GRM1: variants seen among roughly 807,000 people sequenced by gnomAD.
GRM1 encodes metabotropic glutamate receptor 1.
A neutral mutation model predicts 90.9 loss-of-function variants in GRM1; 33 were observed. The ratio of observed to expected loss-of-function variants is 0.36; its 90% CI spans 0.28 to 0.49. The LOEUF is 0.49. Ranked by LOEUF, GRM1 falls within the 20% of genes least tolerant of loss-of-function variation. The probability of loss-of-function intolerance (pLI) is 0.99; values close to 1 mark genes in which losing one functional copy is unlikely to be tolerated. For synonymous variants in GRM1, 700 were observed against 613.2 expected, an observed-to-expected ratio of 1.14 and a Z score of -2.09; for missense variants, 1,190 against 1,534.3, an observed-to-expected ratio of 0.78 and a Z score of 3.75.
At chr6:146,207,150 A>T (rs934706866) in intron 2 of GRM1, among the ~76,000 whole-genome samples, 4 of 152,184 alleles carry the variant, frequency 2.6e-5, no homozygotes, top group Admixed American at 2.0e-4. Context: ...ATGATTTACT[A>T]TTTATATTCC....
intron 2 of GRM1, among the ~76,000 whole-genome samples, chr6:146,211,900 T>C (rs944468995): frequency 3.3e-5 from 5 of 152,094 alleles, no homozygotes; most frequent in African/African-American, 1.2e-4. Flanking sequence ...AGAGAATCAT[T>C]AGGAGAGGTA....
At chr6:146,032,915 CT>C (rs371406027) in intron 1 of GRM1, among the ~76,000 whole-genome samples, 114 of 151,718 alleles carry the variant, frequency 7.5e-4, no homozygotes, top group African/African-American at 2.1e-3. Context: ...TTTTATATTA[CT>C]TTTTTTTATA....
chr6:146,335,869 T>C (rs1784755629), intron 3 of GRM1, among the ~76,000 whole-genome samples: 1 of 152,130 alleles, frequency 6.6e-6, no homozygotes, highest in South Asian at 2.1e-4. Flanking sequence ...GGGAGGTAAT[T>C]GAATCATGGG....
intron 2 of GRM1, among the ~76,000 whole-genome samples, chr6:146,200,887 A>T (rs1054819705): frequency 6.6e-6 from 1 of 152,196 alleles, no homozygotes; most frequent in Non-Finnish European, 1.5e-5. Context: ...TGGAACCATG[A>T]GTCAAAATTG....
At chr6:146,208,658 C>A (rs939045045) in intron 2 of GRM1, among the ~76,000 whole-genome samples, 17 of 152,052 alleles carry the variant, frequency 1.1e-4, no homozygotes, top group Non-Finnish European at 2.9e-5. Context: ...TTGAATTTCA[C>A]ATATATACGT....
chr6:146,382,506 C>T (rs1332290097), intron 5 of GRM1, among the ~76,000 whole-genome samples: 1 of 152,024 alleles, frequency 6.6e-6, no homozygotes, highest in African/African-American at 2.4e-5. Flanking sequence ...AAGCATGTGA[C>T]TTTTGTGTCT....
chr6:146,134,314 G>A (rs576777418), intron 1 of GRM1, among the ~76,000 whole-genome samples: 1 of 152,284 alleles, frequency 6.6e-6, no homozygotes, highest in South Asian at 2.1e-4. Flanking sequence ...TGAATGTAAA[G>A]GGCTTAATTT....
At chr6:146,298,074 T>C (rs935697585) in intron 2 of GRM1, among the ~76,000 whole-genome samples, 2 of 152,214 alleles carry the variant, frequency 1.3e-5, no homozygotes, top group Non-Finnish European at 2.9e-5. Context: ...CAGGCATGAT[T>C]GCCAAGAATA....
intron 2 of GRM1, among the ~76,000 whole-genome samples, chr6:146,302,109 T>C (rs1361386676): frequency 6.6e-6 from 1 of 151,868 alleles, no homozygotes; most frequent in African/African-American, 2.4e-5. Context: ...CTAAGTTCCT[T>C]GAATGTGCCA....
At chr6:146,380,246 A>C (rs1776269579) in intron 5 of GRM1, among the ~76,000 whole-genome samples, 1 of 152,130 alleles carries the variant, frequency 6.6e-6, no homozygotes, top group African/African-American at 2.4e-5. Flanking sequence ...CTGGGAGTCA[A>C]AGACTAGAGT....
chr6:146,209,026 T>C (rs1261023130), intron 2 of GRM1, among the ~76,000 whole-genome samples: 1 of 152,120 alleles, frequency 6.6e-6, no homozygotes, highest in Non-Finnish European at 1.5e-5. Context: ...TACAAAACGA[T>C]ATCATATTTA....
At position 146,260,193 on chromosome 6, in the gene GRM1, T is replaced by A. The variant is rs145036100; in HGVS notation, c.951-44418T>A. On this transcript the variant is annotated intron_variant, in intron 2 of 7. Transcript: ENST00000282753. ...CCCCTCAACAGGTTCCAGTGTGTGA[T>A]GTTCACCTCCCTGTGTCCTCATTGT... is the stretch of plus-strand genomic sequence containing the variant. 4.8e-3 allele frequency among the ~76,000 whole-genome samples: 731 copies of A among 151,978 alleles called. 7 individuals are homozygous for A. The highest frequency in any genetic ancestry group is 0.016 in the African/African-American group (683 of 41,472).
intron 4 of GRM1, 26 bp downstream of exon 4, chr6:146,352,522 G>T: frequency 1.2e-6 from 2 of 1,611,592 alleles, no homozygotes; most frequent in Non-Finnish European, 1.7e-6. Context: ...ATCAATCTAA[G>T]TAACCTTGTG....
chr6:146,355,438 G>C (rs1785549522), intron 4 of GRM1, among the ~76,000 whole-genome samples: 1 of 152,194 alleles, frequency 6.6e-6, no homozygotes, highest in Non-Finnish European at 1.5e-5. Flanking sequence ...TGTGCTCTGG[G>C]TGTACCATTC....
chr6:146,201,432 A>G (rs889876585), intron 2 of GRM1, among the ~76,000 whole-genome samples: 3 of 152,232 alleles, frequency 2.0e-5, no homozygotes, highest in Non-Finnish European at 4.4e-5. Flanking sequence ...GGAGTCTGAG[A>G]AGTCCAGGAT....
chr6:146,154,607 G>T (rs1777455395), intron 1 of GRM1, among the ~76,000 whole-genome samples: 1 of 152,080 alleles, frequency 6.6e-6, no homozygotes, highest in East Asian at 1.9e-4. Flanking sequence ...AAATAAGAAA[G>T]CTTCTTTTAA....
At chr6:146,289,107 A>G (rs1334827331) in intron 2 of GRM1, among the ~76,000 whole-genome samples, 1 of 152,082 alleles carries the variant, frequency 6.6e-6, no homozygotes, top group East Asian at 1.9e-4. Context: ...TCCTCCTTCT[A>G]CATACTAAAA....
intron 2 of GRM1, among the ~76,000 whole-genome samples, chr6:146,243,963 C>A (rs1780961255): frequency 6.6e-6 from 1 of 152,140 alleles, no homozygotes; most frequent in African/African-American, 2.4e-5. Flanking sequence ...AGCGATATTT[C>A]TCCTATTTGC....
chr6:146,145,134 A>C (rs1256034448), intron 1 of GRM1, among the ~76,000 whole-genome samples: 1 of 152,228 alleles, frequency 6.6e-6, no homozygotes, highest in African/African-American at 2.4e-5. Context: ...TGATTTAAAA[A>C]CAAAATACAT....
Sources: gnomAD v4.1 joint callset for allele counts (sites outside exome capture counted in the v4.1 genomes callset) on GRCh38, gnomAD v4.1.1 for gene constraint, MANE v1.5 for transcripts, NCBI Gene and HGNC (gene_info 2026-07-23, HGNC 2026-07-21) for gene names.